CDC42BPG: variants seen among roughly 807,000 people sequenced by gnomAD.
CDC42BPG encodes the protein serine/threonine-protein kinase MRCK gamma.
Under a neutral mutation model 192.2 loss-of-function variants are expected in CDC42BPG, and 157 were observed. That is an observed-to-expected ratio of 0.82 (90% CI 0.72 to 0.93). The LOEUF (loss-of-function observed/expected upper bound fraction) is 0.93, where lower values mean the gene tolerates loss of function less well. CDC42BPG is among the 40% of genes least tolerant of loss of function. The pLI is 0.00. For missense variants in CDC42BPG, 1,992 were observed against 2,122.1 expected (o/e 0.94, Z 1.20); for synonymous variants, 981 against 918.5 (o/e 1.07, Z -1.23).
At chr11:64,838,032 C>G (rs1187831911) in intron 9 of CDC42BPG, 51 bp downstream of exon 9, 1 of 1,490,780 alleles carries the variant, frequency 6.7e-7, no homozygotes, top group Non-Finnish European at 9.1e-7. Context: ...CAGTGTCCTC[C>G]AGGTCAGGCA....
At chr11:64,835,454 C>A in intron 15 of CDC42BPG, 35 bp from the exon 16 acceptor site, 3 of 1,612,184 alleles carry the variant, frequency 1.9e-6, no homozygotes, top group Non-Finnish European at 2.5e-6. Context: ...TGACTCACCG[C>A]CCAGGCCAGG....
At chr11:64,840,677 G>A in intron 3 of CDC42BPG, 29 bp from the exon 4 acceptor site, 1 of 1,605,254 alleles carries the variant, frequency 6.2e-7, no homozygotes, top group Non-Finnish European at 8.5e-7. Flanking sequence ...AGTAAGGGGT[G>A]GGGTGGGATC....
rs1473330522 is a variant in CDC42BPG, at chr11:64,830,228, C to T, written c.3333G>A (p.Glu1111=). The change falls in exon 29 of 37, where the codon GAG becomes GAA. Residue 1111 remains glutamate (E), a synonymous_variant. Transcript: ENST00000342711. Reference sequence around the variant, plus strand: ...GCAGATGGATGACAAAGAGCCCCTCCTCGGTGCCAAGCGCAAGTCGATCCT... The same window carrying T: ...GCAGATGGATGACAAAGAGCCCCTCTTCGGTGCCAAGCGCAAGTCGATCCT... ...LDQDRLALGT[E]EGLFVIHLRS... is the part of the protein sequence containing the mutation. 1 of 1,612,756 alleles carries T rather than the reference C, an allele frequency of 6.2e-7. No individual in the cohort carries two copies. The highest frequency in any genetic ancestry group is 8.5e-7 in the Non-Finnish European group (1 of 1,179,428).
chr11:64,823,753 C>G lies in CDC42BPG; in HGVS notation c.*720G>C, dbSNP rs1161924046. ...CGATGGGAGGATTGGCTGACAGTGT[C>G]AGCCCCGCCCACTGCACCCCTCCCC... On this transcript the variant is annotated 3_prime_UTR_variant, in exon 37 of 37. Coordinates refer to ENST00000342711, the MANE Select transcript of CDC42BPG (RefSeq NM_017525.3). 2.0e-5 allele frequency: 3 copies of G among 152,666 alleles called. No individual in the cohort carries two copies. The highest frequency in any genetic ancestry group is 7.2e-5 in the African/African-American group (3 of 41,390). 9.5% of individuals were successfully genotyped at this position (152,666 alleles called of 1,614,324 possible). A position where few individuals can be genotyped will look rare whatever the true frequency, so the allele number is the denominator to read the frequency against.
intron 11 of CDC42BPG, 22 bp downstream of exon 11, chr11:64,836,717 G>GGT (rs1943023637): frequency 1.5e-5 from 13 of 858,624 alleles, no homozygotes; most frequent in South Asian, 1.0e-4. Flanking sequence ...GGGGGGGGGG[G>GGT]GGGGGTGGGC....
At chr11:64,825,102 A>ATTTTTT (rs1379360867) in intron 36 of CDC42BPG, among the ~76,000 whole-genome samples, 9 of 152,046 alleles carry the variant, frequency 5.9e-5, no homozygotes, top group African/African-American at 2.2e-4. Context: ...TTTTTAGTAG[A>ATTTTTT]GACAGGGTTT....
At chr11:64,836,682 CCGA>C in intron 11 of CDC42BPG, 54 bp downstream of exon 11, 1 of 1,234,700 alleles carries the variant, frequency 8.1e-7, no homozygotes, top group Non-Finnish European at 1.1e-6. Flanking sequence ...AGGGCAGGAC[CCGA>C]GCCCAGGTGG....
chr11:64,844,562 C>G lies in CDC42BPG; in HGVS notation c.8G>C (p.Arg3Pro). ME[R>P]RLRALEQLAR... Reference sequence around the variant, plus strand: ...CAGCTGCTCCAGCGCGCGCAGCCGCCGCTCCATGGCTGCGGCCGGAGCCTC... The same window carrying G: ...CAGCTGCTCCAGCGCGCGCAGCCGCGGCTCCATGGCTGCGGCCGGAGCCTC... The change falls in exon 1 of 37, where the codon CGG becomes CCG. Residue 3 changes from arginine to proline, a missense_variant. By Grantham distance (103) the Arg-to-Pro change is moderately radical (BLOSUM62 -2). This residue lies in a region of CDC42BPG where 1,656 missense variants were observed against 1,844.3 expected (regional missense o/e 0.90). Coordinates refer to ENST00000342711, the MANE Select transcript of CDC42BPG (RefSeq NM_017525.3). 7.9e-7 allele frequency: 1 copy of G among 1,273,474 alleles called. No individual in the cohort carries two copies. Among genetic ancestry groups the G allele is most frequent in the Non-Finnish European group, 9.9e-7 (1 of 1,010,578 alleles). 78.9% of individuals were successfully genotyped at this position (1,273,474 alleles called of 1,614,324 possible). A position where few individuals can be genotyped will look rare whatever the true frequency, so the allele number is the denominator to read the frequency against.
intron 27 of CDC42BPG, 92 bp downstream of exon 27, chr11:64,832,334 CAA>C: frequency 7.6e-7 from 1 of 1,322,244 alleles, no homozygotes; most frequent in Non-Finnish European, 1.1e-6. Flanking sequence ...TGGGCTGGCC[CAA>C]GAGGGCAGTA....
chr11:64,840,185 G>A lies in CDC42BPG; in HGVS notation c.516C>T (p.Ala172=). 1 of 1,613,188 alleles carries A rather than the reference G, an allele frequency of 6.2e-7. No homozygotes were observed. Among genetic ancestry groups the A allele is most frequent in the Non-Finnish European group, 8.5e-7 (1 of 1,179,974 alleles). Residue 172 remains alanine (A), a synonymous_variant, in exon 5 of 37, where the codon GCC becomes GCT. Transcript: ENST00000342711. The part of the protein sequence containing the change: ...RFEDRLPPEL[A]QFYLAEMVLA... ...GCACCATCTCAGCCAGGTAGAACTG[G>A]GCCAGCTCGGGCGGGAGACGGTCCT...
rs1942439748 is a variant in CDC42BPG, at chr11:64,826,748, C to T, written c.4436G>A (p.Arg1479Gln). 2 of 1,539,446 alleles carry T rather than the reference C, an allele frequency of 1.3e-6. No individual in the cohort carries two copies. The highest frequency in any genetic ancestry group is 1.4e-5 in the African/African-American group (1 of 73,234). Residue 1479 changes from arginine (R) to glutamine (Q), a missense_variant, in exon 35 of 37, where the codon CGG becomes CAG. Arg to Gln is a conservative substitution (Grantham distance 43, BLOSUM62 1). Around this residue, in one of 2 missense-constraint regions of CDC42BPG, gnomAD observed 336 missense variants for 277.9 expected, o/e 1.21. Transcript: ENST00000342711. ...GRVARGSGPQ[R>Q]PHSFSEALRR... ...CAACGCCTCGGAGAAGCTGTGGGGC[C>T]GCTGTGGGCCGGAGCCGCGGGCAAC...
At chr11:64,833,478 C>G in intron 23 of CDC42BPG, 122 bp downstream of exon 23, 1 of 1,059,466 alleles carries the variant, frequency 9.4e-7, no homozygotes, top group Non-Finnish European at 1.4e-6. Flanking sequence ...AAGCTCATCG[C>G]CACCACCTCC....
At chr11:64,834,218 G>A (rs766462321) in intron 20 of CDC42BPG, 48 bp downstream of exon 20, 2 of 1,514,528 alleles carry the variant, frequency 1.3e-6, no homozygotes, top group Non-Finnish European at 1.8e-6. Context: ...GCAAGTGGGA[G>A]GCCGCGGGGG....
chr11:64,839,565 G>T lies in CDC42BPG; in HGVS notation c.588C>A (p.Val196=). 1.2e-6 allele frequency: 2 copies of T among 1,611,732 alleles called. No individual in the cohort carries two copies. The highest frequency in any genetic ancestry group is 2.2e-5 in the South Asian group (2 of 90,876). The change falls in exon 6 of 37, where the codon GTC becomes GTA. Residue 196 remains valine, a synonymous_variant. Coordinates refer to ENST00000342711, the MANE Select transcript of CDC42BPG (RefSeq NM_017525.3). ...LHQLGYVHRD[V]KPDNVLLDVN... ...CATCCAGCAGGACGTTGTCTGGCTT[G>T]ACATCCCTGGGGGATGGCAGGCAGG...
At chr11:64,839,925 T>C (rs1009653250) in intron 5 of CDC42BPG, among the ~76,000 whole-genome samples, 195 bp downstream of exon 5, 5 of 152,162 alleles carry the variant, frequency 3.3e-5, no homozygotes, top group African/African-American at 1.2e-4. Flanking sequence ...CCCCCTCAGC[T>C]GCAGGCCGGA....
In CDC42BPG at chr11:64,833,212, A is replaced by AG; in HGVS notation, c.2731+18dup. 1 of 1,521,284 alleles carries AG rather than the reference A, an allele frequency of 6.6e-7. No individual in the cohort carries two copies. Among genetic ancestry groups the AG allele is most frequent in the Non-Finnish European group, 8.9e-7 (1 of 1,121,252 alleles). 94.2% of individuals were successfully genotyped at this position (1,521,284 alleles called of 1,614,324 possible). A position where few individuals can be genotyped will look rare whatever the true frequency, so the allele number is the denominator to read the frequency against. On this transcript the variant is annotated intron_variant, in intron 24 of 36. Transcript: ENST00000342711. ...ACACCTGGGACCGTGGCTGGAGCAT[A>AG]GTGGGTGGGGACTCTCACCATCACA...
intron 23 of CDC42BPG, 62 bp downstream of exon 23, chr11:64,833,538 G>T: frequency 6.8e-7 from 1 of 1,460,086 alleles, no homozygotes; most frequent in Non-Finnish European, 9.4e-7. Context: ...TCCCCACAGT[G>T]CCCATTCAGC....
intron 24 of CDC42BPG, 43 bp downstream of exon 24, chr11:64,833,188 C>T (rs1156592403): frequency 1.4e-6 from 2 of 1,443,904 alleles, no homozygotes; most frequent in South Asian, 2.4e-5. Flanking sequence ...CAGGGCCACA[C>T]ACCTGGGACC....
rs143681347 is a variant in CDC42BPG at position 64,838,768 on chromosome 11, G to T, written c.1011C>A (p.Phe337Leu). 1.9e-6 allele frequency: 3 copies of T among 1,612,978 alleles called. No individual in the cohort carries two copies. The South Asian group carries it at 3.3e-5, about 18-fold the overall frequency. ...GLDDFRNHPF[F>L]EGVDWERLAS... Reference sequence around the variant, plus strand: ...CCAGCCGCTCCCAGTCCACGCCTTCGAAGAAAGGATGGTTCCGGAAGTCAT... The same window carrying T: ...CCAGCCGCTCCCAGTCCACGCCTTCTAAGAAAGGATGGTTCCGGAAGTCAT... Residue 337 changes from phenylalanine (F) to leucine (L), a missense_variant, in exon 8 of 37, where the codon TTC (phenylalanine) becomes TTA (leucine). Physicochemically the swap from Phe to Leu is conservative, Grantham distance 22. Around this residue, in one of 2 missense-constraint regions of CDC42BPG, gnomAD observed 1,656 missense variants for 1,844.3 expected, o/e 0.90. Transcript: ENST00000342711.
Sources: gnomAD v4.1 joint callset for allele counts (sites outside exome capture counted in the v4.1 genomes callset) on GRCh38, gnomAD v4.1.1 for gene constraint, gnomAD v4.1.1 regional missense constraint, MANE v1.5 for transcripts, NCBI Gene and HGNC (gene_info 2026-07-23, HGNC 2026-07-21) for gene names.